CAP2: variants seen among roughly 807,000 people sequenced by gnomAD.
CAP2 encodes adenylyl cyclase-associated protein 2.
A neutral mutation model predicts 57.7 loss-of-function variants in CAP2; 24 were observed. The ratio of observed to expected loss-of-function variants is 0.42; its 90% CI spans 0.30 to 0.58. CAP2 has a LOEUF of 0.58. CAP2 is among the 20% of genes least tolerant of loss of function. CAP2 has a pLI of 0.22. For synonymous variants in CAP2, 194 were observed against 207.2 expected (o/e 0.94, Z 0.55); for missense variants, 501 against 590.3 (o/e 0.85, Z 1.57).
At chr6:17,470,795 A>G (rs1760997496) in intron 4 of CAP2, among the ~76,000 whole-genome samples, 1 of 152,208 alleles carries the variant, frequency 6.6e-6, no homozygotes, top group Admixed American at 6.5e-5. Flanking sequence ...TTTGGCTAAA[A>G]TGAGCTCTTT....
intron 3 of CAP2, among the ~76,000 whole-genome samples, chr6:17,452,990 A>G (rs79801803): frequency 1.4e-4 from 22 of 152,356 alleles, no homozygotes; most frequent in African/African-American, 5.3e-4. Context: ...ACTGATAGCA[A>G]AAGTTGGGAA....
intron 3 of CAP2, among the ~76,000 whole-genome samples, chr6:17,446,972 C>A (rs977196474): frequency 2.5e-4 from 38 of 152,202 alleles, no homozygotes; most frequent in African/African-American, 8.7e-4. Context: ...GTTCTCAATG[C>A]AGGTGAGTTA....
chr6:17,434,369 T>C (rs529870415), intron 3 of CAP2, among the ~76,000 whole-genome samples: 28 of 151,952 alleles, frequency 1.8e-4, no homozygotes, highest in Non-Finnish European at 3.8e-4. Flanking sequence ...GCTGGGACTA[T>C]AGACCCGCAC....
chr6:17,533,453 T>A (rs985312363), intron 7 of CAP2, among the ~76,000 whole-genome samples: 1 of 152,176 alleles, frequency 6.6e-6, no homozygotes, highest in African/African-American at 2.4e-5. Context: ...CTCTCAAAAT[T>A]AATCTTAATA....
At chr6:17,433,534 G>A (rs1173700979) in intron 3 of CAP2, among the ~76,000 whole-genome samples, 1 of 152,230 alleles carries the variant, frequency 6.6e-6, no homozygotes, top group Non-Finnish European at 1.5e-5. Context: ...GGGCAGAGGA[G>A]AGGGTGGAAG....
intron 4 of CAP2, among the ~76,000 whole-genome samples, chr6:17,484,650 C>G (rs2113626991): frequency 6.6e-6 from 1 of 152,188 alleles, no homozygotes; most frequent in Middle Eastern, 3.4e-3. Flanking sequence ...CTATGTCAGT[C>G]AAGTCTGAGG....
chr6:17,409,677 G>A (rs1399732627), intron 1 of CAP2, among the ~76,000 whole-genome samples: 3 of 151,918 alleles, frequency 2.0e-5, no homozygotes, highest in East Asian at 1.9e-4. Context: ...GTCCCTACTC[G>A]TAACTGCCAA....
At chr6:17,444,719 C>T (rs1760201679) in intron 3 of CAP2, among the ~76,000 whole-genome samples, 1 of 148,574 alleles carries the variant, frequency 6.7e-6, no homozygotes, top group Admixed American at 6.7e-5. Context: ...GAAACATAGA[C>T]TATTATCAAC....
chr6:17,494,172 A>T (rs1384879879), intron 4 of CAP2, among the ~76,000 whole-genome samples: 1 of 152,216 alleles, frequency 6.6e-6, no homozygotes, highest in Non-Finnish European at 1.5e-5. Flanking sequence ...TCAATACAGC[A>T]GCCAGAGCGA....
At chr6:17,527,891 C>T (rs1327956554) in intron 7 of CAP2, among the ~76,000 whole-genome samples, 2 of 152,196 alleles carry the variant, frequency 1.3e-5, no homozygotes, top group Non-Finnish European at 2.9e-5. Flanking sequence ...GCGTGAGCCA[C>T]TGTGCCTGGC....
intron 3 of CAP2, among the ~76,000 whole-genome samples, chr6:17,433,910 A>G (rs1490083873): frequency 6.6e-6 from 1 of 152,154 alleles, no homozygotes; most frequent in Non-Finnish European, 1.5e-5. Flanking sequence ...AAACATCCTA[A>G]TTTCACAAAC....
intron 7 of CAP2, among the ~76,000 whole-genome samples, chr6:17,533,568 CTTTCTTTTTTTT>C (rs936342112): frequency 6.9e-6 from 1 of 145,850 alleles, no homozygotes; most frequent in Admixed American, 6.8e-5. Flanking sequence ...TGCAGCTTTT[CTTTCTTTTTTTT>C]TTTTTTTGAA....
chr6:17,471,234 T>G (rs570286783), intron 4 of CAP2, among the ~76,000 whole-genome samples: 6 of 152,214 alleles, frequency 3.9e-5, no homozygotes, highest in Non-Finnish European at 8.8e-5. Flanking sequence ...ATAGCATTGC[T>G]CAATCAGAAT....
At chr6:17,464,377 A>C (rs1005630336) in intron 4 of CAP2, among the ~76,000 whole-genome samples, 11 of 152,188 alleles carry the variant, frequency 7.2e-5, no homozygotes, top group Non-Finnish European at 2.9e-5. Context: ...TGAAATTGAA[A>C]ATTTTGAGCT....
At chr6:17,458,328 A>T (rs1368890418) in intron 3 of CAP2, among the ~76,000 whole-genome samples, 1 of 152,230 alleles carries the variant, frequency 6.6e-6, no homozygotes, top group East Asian at 1.9e-4. Flanking sequence ...TGAGAAAAAC[A>T]TACACTAATT....
chr6:17,467,455 C>G (rs1381965449), intron 4 of CAP2, among the ~76,000 whole-genome samples: 1 of 152,166 alleles, frequency 6.6e-6, no homozygotes, highest in African/African-American at 2.4e-5. Context: ...AACCACATCA[C>G]GGGGAATGGG....
chr6:17,530,135 G>A (rs114143179), intron 7 of CAP2, among the ~76,000 whole-genome samples: 63 of 152,252 alleles, frequency 4.1e-4, no homozygotes, highest in African/African-American at 1.4e-3. Context: ...GTGCAGTGGT[G>A]CCATCATAGC....
chr6:17,424,747 G>A (rs547051474), intron 2 of CAP2, among the ~76,000 whole-genome samples: 1 of 152,298 alleles, frequency 6.6e-6, no homozygotes, highest in Admixed American at 6.5e-5. Flanking sequence ...AGGTCTGCCC[G>A]CAGGAGGTGT....
At chr6:17,553,525 C>CT (rs1464678915) in intron 12 of CAP2, among the ~76,000 whole-genome samples, 1 of 151,376 alleles carries the variant, frequency 6.6e-6, no homozygotes, top group Non-Finnish European at 1.5e-5. Flanking sequence ...CCCAGCTACT[C>CT]AGGAGGCTGA....
Sources: gnomAD v4.1 joint callset for allele counts (sites outside exome capture counted in the v4.1 genomes callset) on GRCh38, gnomAD v4.1.1 for gene constraint, MANE v1.5 for transcripts, NCBI Gene and HGNC (gene_info 2026-07-23, HGNC 2026-07-21) for gene names.